The following METTL15 variants were observed in gnomAD, a reference collection of about 807,000 sequenced individuals.
METTL15 encodes 12S rRNA N(4)-cytidine methyltransferase METTL15.
In METTL15, 34 loss-of-function variants were observed where a neutral mutation model predicts 38.3. That is an observed-to-expected ratio of 0.89 (90% CI 0.68 to 1.18). The LOEUF is 1.18. Among genes scored for constraint, METTL15 ranks in the 50% most tolerant of loss-of-function variants. The pLI is 0.00. For missense variants in METTL15, 438 were observed against 498.4 expected, an observed-to-expected ratio of 0.88 and a Z score of 1.15; for synonymous variants, 162 against 170.9, an observed-to-expected ratio of 0.95 and a Z score of 0.41.
In METTL15 at chr11:28,113,560, A is replaced by G; in HGVS notation, c.226A>G (p.Met76Val). 2 of 1,613,156 alleles carry G rather than the reference A, an allele frequency of 1.2e-6. No homozygotes were observed. The highest frequency in any genetic ancestry group is 1.7e-6 in the Non-Finnish European group (2 of 1,179,736). The part of the protein sequence containing the change: ...ETMAKLHIPV[M>V]VDEVVHCLSP... ...TATGGCTAAATTACATATTCCAGTA[A>G]TGGTGGATGAAGTTGTTCATTGTTT... Residue 76 changes from methionine (M) to valine (V), a missense_variant, in exon 3 of 7, where the codon ATG becomes GTG. Met to Val is a conservative substitution (Grantham distance 21). Transcript: ENST00000407364.
At chr11:28,209,374 A>G (rs1304383631) in intron 3 of METTL15, among the ~76,000 whole-genome samples, 1 of 152,044 alleles carries the variant, frequency 6.6e-6, no homozygotes, top group East Asian at 1.9e-4. Context: ...GATGTAATGC[A>G]TAGTGGAAGA....
chr11:28,370,190 T>C (rs1850228171), intron 5 of METTL15, among the ~76,000 whole-genome samples: 1 of 152,028 alleles, frequency 6.6e-6, no homozygotes, highest in South Asian at 2.1e-4. Flanking sequence ...TTTCTACCCA[T>C]TAATCAACCA....
chr11:28,520,649 C>T (rs1851757486), intron 6 of METTL15, among the ~76,000 whole-genome samples: 1 of 152,160 alleles, frequency 6.6e-6, no homozygotes, highest in East Asian at 1.9e-4. Context: ...TTAATGGCTT[C>T]AAGGTGATTC....
intron 3 of METTL15, among the ~76,000 whole-genome samples, chr11:28,143,199 G>A (rs933812272): frequency 2.6e-5 from 4 of 152,030 alleles, no homozygotes; most frequent in African/African-American, 9.7e-5. Flanking sequence ...TTGGAGCTCA[G>A]AGGTAATGTC....
chr11:28,525,694 T>G (rs1353496375), intron 6 of METTL15, among the ~76,000 whole-genome samples: 1 of 152,228 alleles, frequency 6.6e-6, no homozygotes, highest in South Asian at 2.1e-4. Flanking sequence ...ACATAAAGAT[T>G]CTCCAAGTCC....
chr11:28,108,595 T>TG (rs1851587040), intron 1 of METTL15, 143 bp downstream of exon 1: 4 of 152,348 alleles, frequency 2.6e-5, no homozygotes, highest in Admixed American at 1.3e-4. Context: ...TGTAGGGACC[T>TG]GTTTCTTCCA....
intron 3 of METTL15, among the ~76,000 whole-genome samples, chr11:28,129,567 G>A (rs528256198): frequency 2.0e-5 from 3 of 151,930 alleles, no homozygotes; most frequent in South Asian, 2.1e-4. Flanking sequence ...GCAGCTCTAC[G>A]CCTGGCTGAT....
downstream of METTL15, among the ~76,000 whole-genome samples, chr11:28,529,954 A>T (rs993786397): frequency 6.6e-6 from 1 of 152,130 alleles, no homozygotes; most frequent in Non-Finnish European, 1.5e-5. Flanking sequence ...TCCATAAAAT[A>T]TGGGGATAAA....
intron 5 of METTL15, among the ~76,000 whole-genome samples, chr11:28,391,156 A>G (rs762593711): frequency 3.2e-4 from 48 of 152,150 alleles, no homozygotes; most frequent in Middle Eastern, 3.4e-3. Flanking sequence ...TTCTAGATAT[A>G]CAATCATGTC....
intron 5 of METTL15, among the ~76,000 whole-genome samples, chr11:28,423,014 T>C (rs1850834179): frequency 6.6e-6 from 1 of 151,720 alleles, no homozygotes; most frequent in Non-Finnish European, 1.5e-5. Flanking sequence ...AAAAAAACAA[T>C]AATCCAATTT....
chr11:28,362,576 C>G (rs1850149192), intron 5 of METTL15, among the ~76,000 whole-genome samples: 1 of 152,158 alleles, frequency 6.6e-6, no homozygotes, highest in Non-Finnish European at 1.5e-5. Flanking sequence ...TTATAAGTGA[C>G]AACATGGGTT....
intron 5 of METTL15, among the ~76,000 whole-genome samples, chr11:28,387,453 A>G (rs892086282): frequency 1.3e-5 from 2 of 151,970 alleles, no homozygotes; most frequent in Admixed American, 1.3e-4. Flanking sequence ...GAAGAAATGG[A>G]TATATTTACA....
intron 3 of METTL15, among the ~76,000 whole-genome samples, chr11:28,131,734 T>C (rs571845947): frequency 6.6e-6 from 1 of 152,306 alleles, no homozygotes; most frequent in South Asian, 2.1e-4. Context: ...GATAAAGTTT[T>C]AATAGAGCCA....
chr11:28,481,997 C>CT (rs968295268), intron 6 of METTL15, among the ~76,000 whole-genome samples: 59 of 151,550 alleles, frequency 3.9e-4, no homozygotes, highest in African/African-American at 1.2e-3. Context: ...GGATTTTGAG[C>CT]TTTTTTTTTC....
chr11:28,302,895 TATG>T (rs1856959925), intron 6 of METTL15, among the ~76,000 whole-genome samples: 1 of 152,184 alleles, frequency 6.6e-6, no homozygotes, highest in Non-Finnish European at 1.5e-5. Context: ...AATCCTTCAT[TATG>T]ATGAATGACA....
rs141976686 is a variant in METTL15, at chr11:28,453,807, G to A, written c.*424+29443G>A. Among the ~76,000 whole-genome samples the A allele has an allele frequency of 2.3e-3, 353 of 152,260 alleles. 3 individuals carry two copies. Among genetic ancestry groups the A allele is most frequent in the African/African-American group, 8.2e-3 (339 of 41,552 alleles). ...ACTACAGTTGACTCTGGGATTCAAG[G>A]ATTAGTGTTAACACAGATCCAATGT... On this transcript the variant is annotated intron_variant and NMD_transcript_variant, in intron 6 of 7. Transcript: ENST00000532947.
At chr11:28,205,536 T>C (rs1392468905) in intron 3 of METTL15, among the ~76,000 whole-genome samples, 2 of 152,178 alleles carry the variant, frequency 1.3e-5, no homozygotes, top group Non-Finnish European at 2.9e-5. Flanking sequence ...TTCCAGGTCT[T>C]TGCTATTGTG....
intron 3 of METTL15, among the ~76,000 whole-genome samples, chr11:28,144,193 G>C (rs558438910): frequency 6.6e-6 from 1 of 152,026 alleles, no homozygotes; most frequent in Admixed American, 6.6e-5. Flanking sequence ...GGCTCATTAG[G>C]TTTCATATGT....
At chr11:28,519,651 G>T (rs1320765584) in intron 6 of METTL15, among the ~76,000 whole-genome samples, 1 of 152,188 alleles carries the variant, frequency 6.6e-6, no homozygotes, top group African/African-American at 2.4e-5. Context: ...ATACTGGGAA[G>T]TGTGATGGTC....
Sources: allele counts gnomAD v4.1 joint callset (sites outside exome capture counted in the v4.1 genomes callset), GRCh38; gene constraint gnomAD v4.1.1; transcripts MANE v1.5; gene names NCBI Gene and HGNC (gene_info 2026-07-23, HGNC 2026-07-21).